PPP2R2C: variants seen among roughly 807,000 people sequenced by gnomAD.
PPP2R2C encodes the protein protein phosphatase 2, regulatory subunit B, gamma.
In PPP2R2C, 10 loss-of-function variants were observed where a neutral mutation model predicts 45.3. The observed-to-expected ratio is 0.22, with a 90% CI of 0.14 to 0.37. The LOEUF (loss-of-function observed/expected upper bound fraction) is 0.37, where lower values mean the gene tolerates loss of function less well. PPP2R2C is among the 10% of genes least tolerant of loss of function. The probability of loss-of-function intolerance (pLI) is 1.00; values close to 1 mark genes in which losing one functional copy is unlikely to be tolerated. For missense variants in PPP2R2C, 308 were observed against 619.7 expected, an observed-to-expected ratio of 0.50 and a Z score of 5.34; for synonymous variants, 257 against 245.4, an observed-to-expected ratio of 1.05 and a Z score of -0.44.
rs556173241 is a variant in PPP2R2C at position 6,514,950 on chromosome 4, C to G, written c.49+20321G>C. Among the ~76,000 whole-genome samples the G allele has an allele frequency of 2.3e-4, 35 of 152,208 alleles. No individual in the cohort carries two copies. The East Asian group carries it at 5.4e-3, about 23-fold the overall frequency. ...TCTGTCTCTATCACCATGTGGCCTT[C>G]TCCTGGTATGACTGTGTCTCTTCTA... On this transcript the variant is annotated intron_variant, in intron 2 of 9. Transcript: ENST00000506140.
At chr4:6,342,775 C>T (rs1490205291) in intron 6 of PPP2R2C, among the ~76,000 whole-genome samples, 2 of 152,188 alleles carry the variant, frequency 1.3e-5, no homozygotes, top group African/African-American at 4.8e-5. Flanking sequence ...TCCAGTGCTT[C>T]GGAGAAAGGT....
At chr4:6,519,675 G>A (rs1027787367) in intron 2 of PPP2R2C, among the ~76,000 whole-genome samples, 2 of 152,228 alleles carry the variant, frequency 1.3e-5, no homozygotes, top group Admixed American at 1.3e-4. Flanking sequence ...TTCATTAAAT[G>A]AATGAATAAA....
At chr4:6,385,204 C>A (rs1239719232) in intron 1 of PPP2R2C, among the ~76,000 whole-genome samples, 1 of 152,192 alleles carries the variant, frequency 6.6e-6, no homozygotes, top group African/African-American at 2.4e-5. Flanking sequence ...ACCAGTCCCG[C>A]CAGTCGCTCC....
intron 1 of PPP2R2C, among the ~76,000 whole-genome samples, chr4:6,403,253 G>A (rs1717552787): frequency 1.3e-5 from 2 of 152,250 alleles, no homozygotes; most frequent in Admixed American, 1.3e-4. Flanking sequence ...TGAAATGGGA[G>A]GATTGATCAT....
At chr4:6,543,850 T>G (rs1030585588) in intron 1 of PPP2R2C, among the ~76,000 whole-genome samples, 1 of 152,314 alleles carries the variant, frequency 6.6e-6, no homozygotes, top group Admixed American at 6.5e-5. Context: ...CAAGCAGTAC[T>G]GGGGGTGGTA....
chr4:6,380,904 C>A lies in PPP2R2C; in HGVS notation c.168+93G>T, dbSNP rs1057064279. 2.1e-6 allele frequency: 3 copies of A among 1,432,104 alleles called. No individual in the cohort carries two copies. The African/African-American group carries it at 4.3e-5, about 21-fold the overall frequency. 88.7% of individuals were successfully genotyped at this position (1,432,104 alleles called of 1,614,324 possible). A position where few individuals can be genotyped will look rare whatever the true frequency, so the allele number is the denominator to read the frequency against. On this transcript the variant is annotated intron_variant, in intron 2 of 8. Coordinates refer to ENST00000382599, the MANE Select transcript of PPP2R2C (RefSeq NM_020416.4). Reference sequence around the variant, plus strand: ...CACCTCTCACCGCATCACCCCTTATCCCCCTTATCCTTATCCCCTCCCACC... The same window carrying A: ...CACCTCTCACCGCATCACCCCTTATACCCCTTATCCTTATCCCCTCCCACC...
intron 1 of PPP2R2C, among the ~76,000 whole-genome samples, chr4:6,561,556 A>G (rs936057130): frequency 6.6e-6 from 1 of 152,178 alleles, no homozygotes; most frequent in African/African-American, 2.4e-5. Flanking sequence ...GCTGGTGATC[A>G]TGCATTCATT....
In PPP2R2C at chr4:6,496,165, A is replaced by G. The variant is rs77729431; in HGVS notation, c.49+39106T>C. ...TGAGATCTTATTTAATTACTTCTGCAAAGACTCTTATTTCCAAATGTGTCA... is the reference window on the plus strand; with the variant it reads ...TGAGATCTTATTTAATTACTTCTGCGAAGACTCTTATTTCCAAATGTGTCA... On this transcript the variant is annotated intron_variant, in intron 2 of 9. Transcript: ENST00000506140. Among the ~76,000 whole-genome samples, 11 of 152,356 alleles carry G rather than the reference A, an allele frequency of 7.2e-5. No homozygotes were observed. The East Asian group carries it at 2.1e-3, about 29-fold the overall frequency.
chr4:6,422,154 C>T (rs1044749443), intron 1 of PPP2R2C, among the ~76,000 whole-genome samples: 11 of 152,010 alleles, frequency 7.2e-5, no homozygotes, highest in African/African-American at 2.4e-4. Context: ...GGAATTGAGA[C>T]CCAAGACTTG....
At chr4:6,526,723 T>C (rs559566235) in intron 2 of PPP2R2C, among the ~76,000 whole-genome samples, 8 of 152,080 alleles carry the variant, frequency 5.3e-5, no homozygotes, top group Non-Finnish European at 7.4e-5. Context: ...AGCGACCCAA[T>C]TGGAGGAAGA....
intron 2 of PPP2R2C, among the ~76,000 whole-genome samples, chr4:6,506,066 A>C (rs1723219091): frequency 6.6e-6 from 1 of 152,192 alleles, no homozygotes; most frequent in Admixed American, 6.5e-5. Flanking sequence ...TGCTGGGCAA[A>C]AGAAGCCAAA....
At chr4:6,498,789 A>G (rs536860972) in intron 2 of PPP2R2C, among the ~76,000 whole-genome samples, 1 of 152,290 alleles carries the variant, frequency 6.6e-6, no homozygotes, top group Admixed American at 6.5e-5. Context: ...ACAGTCATCA[A>G]TGGGGAAAAG....
At chr4:6,504,525 T>A (rs941673215) in intron 2 of PPP2R2C, among the ~76,000 whole-genome samples, 4 of 152,192 alleles carry the variant, frequency 2.6e-5, no homozygotes, top group African/African-American at 9.7e-5. Flanking sequence ...AAGCAGCTAT[T>A]TGTACTATGC....
intron 6 of PPP2R2C, among the ~76,000 whole-genome samples, chr4:6,347,447 T>C (rs1712084763): frequency 6.6e-6 from 1 of 152,092 alleles, no homozygotes; most frequent in Middle Eastern, 3.2e-3. Flanking sequence ...GCAAGTTTGC[T>C]GGGTGTGGCT....
chr4:6,546,297 AC>A (rs1395012441), intron 1 of PPP2R2C, among the ~76,000 whole-genome samples: 1 of 152,200 alleles, frequency 6.6e-6, no homozygotes, highest in African/African-American at 2.4e-5. Context: ...TCCTGACTTC[AC>A]ACCTGGGAGG....
chr4:6,410,237 G>A (rs529526332), intron 1 of PPP2R2C, among the ~76,000 whole-genome samples: 2 of 152,310 alleles, frequency 1.3e-5, no homozygotes, highest in East Asian at 3.9e-4. Context: ...GGAGTAGTGG[G>A]AGCAGGCTGG....
chr4:6,541,607 C>T (rs567543208), intron 1 of PPP2R2C, among the ~76,000 whole-genome samples: 3 of 152,110 alleles, frequency 2.0e-5, no homozygotes, highest in Admixed American at 6.5e-5. Context: ...AGTGCAGTGG[C>T]GCGATCTCAG....
chr4:6,378,615 C>T lies in PPP2R2C; in HGVS notation c.169-43G>A. 1.9e-6 allele frequency: 3 copies of T among 1,583,702 alleles called. No homozygotes were observed. Among genetic ancestry groups the T allele is most frequent in the South Asian group, 2.3e-5 (2 of 86,214 alleles). On this transcript the variant is annotated intron_variant, in intron 2 of 8. Coordinates refer to ENST00000382599, the MANE Select transcript of PPP2R2C (RefSeq NM_020416.4). This position sits in a 1 kb window ranked among gnomAD's most constrained non-coding sequence, Gnocchi z 5.2. The stretch of plus-strand genomic sequence containing the variant: ...GAAGGGGCCTGAGCACCGTGACCTG[C>T]AGGGCGACGGCTAGGACCTCCGGGG...
At chr4:6,508,725 AC>A in intron 2 of PPP2R2C, among the ~76,000 whole-genome samples, 1 of 152,312 alleles carries the variant, frequency 6.6e-6, no homozygotes, top group Middle Eastern at 3.4e-3. Flanking sequence ...CTGGAGTATG[AC>A]CTTCTAGGAA....
Sources: gnomAD v4.1 joint callset for allele counts (sites outside exome capture counted in the v4.1 genomes callset) on GRCh38, gnomAD v4.1.1 for gene constraint, Gnocchi (gnomAD v3.1) non-coding constraint, MANE v1.5 for transcripts, NCBI Gene and HGNC (gene_info 2026-07-23, HGNC 2026-07-21) for gene names.